GLI2: variants seen among roughly 807,000 people sequenced by gnomAD.
The protein encoded by GLI2 is transcription activator GLI2.
GLI2 carries 22 observed loss-of-function variants against 78.9 expected under a neutral mutation model. The ratio of observed to expected loss-of-function variants is 0.28; its 90% CI spans 0.20 to 0.40. The LOEUF (loss-of-function observed/expected upper bound fraction) is 0.40. Among genes scored for constraint, GLI2 ranks in the 10% least tolerant of loss-of-function variants. The pLI is 1.00. For synonymous variants in GLI2, 974 were observed against 963.7 expected, an observed-to-expected ratio of 1.01 and a Z score of -0.20; for missense variants, 2,097 against 2,213.2, an observed-to-expected ratio of 0.95 and a Z score of 1.05.
At chr2:120,903,733 C>G (rs1678378039) in intron 2 of GLI2, among the ~76,000 whole-genome samples, 1 of 152,194 alleles carries the variant, frequency 6.6e-6, no homozygotes, top group South Asian at 2.1e-4. Context: ...ACAGTAACAT[C>G]TGGGTGGTGA....
chr2:120,805,900 C>T (rs995641929), intron 2 of GLI2, among the ~76,000 whole-genome samples: 28 of 152,204 alleles, frequency 1.8e-4, no homozygotes, highest in Admixed American at 1.2e-3. Context: ...ATGTTTAACA[C>T]GGCTGTGCCA....
chr2:120,981,161 G>A (rs1223025716), intron 10 of GLI2, among the ~76,000 whole-genome samples: 4 of 152,208 alleles, frequency 2.6e-5, no homozygotes, highest in Admixed American at 1.3e-4. Flanking sequence ...GATTACAGGC[G>A]TGAGCCACCA....
chr2:120,978,405 A>T, intron 9 of GLI2, 29 bp from the exon 10 acceptor site: 8 of 1,613,798 alleles, frequency 5.0e-6, no homozygotes, highest in Non-Finnish European at 6.8e-6. Context: ...GGCCCTGCTT[A>T]CCCTCTTCTG....
At chr2:120,839,313 T>TGTTG (rs1686756918) in intron 2 of GLI2, among the ~76,000 whole-genome samples, 1 of 152,228 alleles carries the variant, frequency 6.6e-6, no homozygotes, top group African/African-American at 2.4e-5. Context: ...AGCCTGGGTT[T>TGTTG]GTTGGTTTCT....
chr2:120,865,481 T>C (rs1435707521), intron 2 of GLI2, among the ~76,000 whole-genome samples: 1 of 152,198 alleles, frequency 6.6e-6, no homozygotes, highest in Non-Finnish European at 1.5e-5. Context: ...CCCCCGAGGC[T>C]GAGGAAAAGT....
intron 2 of GLI2, among the ~76,000 whole-genome samples, chr2:120,799,111 A>G (rs1325797110): frequency 6.6e-6 from 1 of 152,198 alleles, no homozygotes; most frequent in Non-Finnish European, 1.5e-5. Flanking sequence ...GAGCCCCTCT[A>G]GTGTCAGGCT....
intron 2 of GLI2, among the ~76,000 whole-genome samples, chr2:120,835,055 G>A (rs1275539185): frequency 2.6e-5 from 4 of 152,094 alleles, no homozygotes; most frequent in African/African-American, 9.7e-5. Context: ...TAAATTGACT[G>A]GTTTTTGACA....
intron 8 of GLI2, among the ~76,000 whole-genome samples, chr2:120,974,335 G>A (rs1682341429): frequency 6.6e-6 from 1 of 152,166 alleles, no homozygotes; most frequent in Non-Finnish European, 1.5e-5. Context: ...GTGAGGGTAG[G>A]GATGGTCTTG....
chr2:120,973,102 C>T (rs1682270008), intron 8 of GLI2, among the ~76,000 whole-genome samples: 1 of 152,194 alleles, frequency 6.6e-6, no homozygotes, highest in East Asian at 1.9e-4. Flanking sequence ...AACTGTGAAC[C>T]ATCAGGCATG....
rs770087477 is a variant in GLI2 at position 120,986,393 on chromosome 2, T to C, written c.2021T>C (p.Leu674Pro). The C allele has an allele frequency of 1.2e-5, 20 of 1,613,500 alleles. No homozygotes were observed. The highest frequency in any genetic ancestry group is 1.7e-5 in the Non-Finnish European group (20 of 1,179,928). ...ATGCCGGGGACGGGGCCCGGGAGCC[T>C]GGGAGACCTGACGGCACTGGATGAC... ...VEMPGTGPGS[L>P]GDLTALDDTP... Residue 674 changes from leucine (L) to proline (P), a missense_variant, in exon 13 of 14, where the codon CTG becomes CCG. Leu to Pro is a moderately conservative substitution (Grantham distance 98, BLOSUM62 -3). Coordinates refer to ENST00000361492, the MANE Select transcript of GLI2 (RefSeq NM_001374353.1).
chr2:120,885,780 AG>A (rs773141337), intron 2 of GLI2, among the ~76,000 whole-genome samples: 5 of 152,216 alleles, frequency 3.3e-5, no homozygotes, highest in Non-Finnish European at 7.3e-5. Context: ...TGACAGACAC[AG>A]GAGGAGGGAG....
intron 9 of GLI2, 57 bp downstream of exon 9, chr2:120,975,166 A>T: frequency 6.4e-7 from 1 of 1,567,446 alleles, no homozygotes. Context: ...GCCATGCAGG[A>T]TGCTGAGCCT....
chr2:120,927,918 G>A (rs527866178), intron 3 of GLI2, among the ~76,000 whole-genome samples: 14 of 152,208 alleles, frequency 9.2e-5, no homozygotes, highest in Admixed American at 2.0e-4. Context: ...CAAGCTCAAA[G>A]TGATGCTTTG....
chr2:120,902,305 C>T (rs1340410472), intron 2 of GLI2, among the ~76,000 whole-genome samples: 2 of 147,756 alleles, frequency 1.4e-5, no homozygotes, highest in African/African-American at 2.5e-5. Context: ...TGGGAAAACA[C>T]ACAATAATAA....
chr2:120,789,004 A>G (rs1182078669), intron 1 of GLI2, among the ~76,000 whole-genome samples: 4 of 150,964 alleles, frequency 2.6e-5, no homozygotes, highest in Non-Finnish European at 4.4e-5. Flanking sequence ...GTTCCCCTTC[A>G]ATCTGGCTTA....
intron 2 of GLI2, among the ~76,000 whole-genome samples, chr2:120,835,992 G>C (rs1380648899): frequency 6.6e-6 from 1 of 152,092 alleles, no homozygotes; most frequent in Non-Finnish European, 1.5e-5. Flanking sequence ...TGTTTATAGA[G>C]AATTCAAAAG....
At chr2:120,761,454 G>T (rs1683209561) in intron 1 of GLI2, among the ~76,000 whole-genome samples, 1 of 152,226 alleles carries the variant, frequency 6.6e-6, no homozygotes, top group African/African-American at 2.4e-5. Context: ...GGGGGTGGCT[G>T]CTTCTCTCCC....
chr2:120,909,162 T>C (rs1386585489), intron 2 of GLI2, among the ~76,000 whole-genome samples: 1 of 152,168 alleles, frequency 6.6e-6, no homozygotes, highest in Non-Finnish European at 1.5e-5. Context: ...CCTCCGCCTT[T>C]TGGCTGACGT....
intron 3 of GLI2, among the ~76,000 whole-genome samples, chr2:120,928,014 G>A (rs1679773183): frequency 6.6e-6 from 1 of 152,158 alleles, no homozygotes; most frequent in African/African-American, 2.4e-5. Context: ...CCCTGTCCCT[G>A]TCATACCCAC....
Sources: gnomAD v4.1 joint callset for allele counts (sites outside exome capture counted in the v4.1 genomes callset) on GRCh38, gnomAD v4.1.1 for gene constraint, MANE v1.5 for transcripts, NCBI Gene and HGNC (gene_info 2026-07-23, HGNC 2026-07-21) for gene names.